Variants in TIMM23B observed in about 807,000 individuals in gnomAD.
TIMM23B encodes translocase of inner mitochondrial membrane 23 homolog B, also known as mitochondrial import inner membrane translocase subunit Tim23B.
In TIMM23B, 27 loss-of-function variants were observed where a neutral mutation model predicts 27.3. The ratio of observed to expected loss-of-function variants is 0.99; its 90% CI spans 0.73 to 1.36. The LOEUF (loss-of-function observed/expected upper bound fraction) is 1.36. Ranked by LOEUF, TIMM23B falls within the 40% of genes most tolerant of loss-of-function variation. TIMM23B has a pLI of 0.00. For synonymous variants in TIMM23B, 73 were observed against 92.4 expected (o/e 0.79, Z 1.21); for missense variants, 205 against 244.2 (o/e 0.84, Z 1.07).
chr10:49,952,638 T>C (rs1440747857), intron 4 of TIMM23B, 105 bp downstream of exon 4: 138 of 1,312,072 alleles, frequency 1.1e-4, no homozygotes, highest in Non-Finnish European at 1.4e-4. Context: ...AGCATAGTTA[T>C]GTGCTTTTTT....
rs1412187121 is a variant in TIMM23B, at chr10:49,968,307, G to A, written c.515-4705G>A. ...TGCAACCTATTTTCAATAGAAAAAA[G>A]CCTCTTACTCTCAGATAGCTCAGAA... On this transcript the variant is annotated intron_variant, in intron 6 of 6. Transcript: ENST00000651259. Among the ~76,000 whole-genome samples the A allele has an allele frequency of 1.6e-4, 24 of 152,334 alleles. No homozygotes were observed. The East Asian group carries it at 4.4e-3, about 28-fold the overall frequency.
At chr10:49,954,544 C>A (rs1452787037) in intron 4 of TIMM23B, 1 of 161,506 alleles carries the variant, frequency 6.2e-6, no homozygotes, top group African/African-American at 2.4e-5. Flanking sequence ...TTATCTTTAA[C>A]ATTCTAAGCA....
intron 6 of TIMM23B, among the ~76,000 whole-genome samples, chr10:49,971,041 C>T (rs1178227443): frequency 6.6e-6 from 1 of 152,178 alleles, no homozygotes; most frequent in Non-Finnish European, 1.5e-5. Flanking sequence ...CAACCCGGTG[C>T]TCTCTGAAAC....
Position 49,956,426 on chromosome 10 carries a change from CGTGTGTGTGTGTGTGT to C in TIMM23B, c.403+1395_403+1410del, listed in dbSNP as rs1173703740. On this transcript the variant is annotated intron_variant, in intron 5 of 6. Coordinates refer to ENST00000651259, the MANE Select transcript of TIMM23B (RefSeq NM_001290117.2). ...TCTATTTTTTCTTATACTAGAAATA[CGTGTGTGTGTGTGTGT>C]GTGTGTGTGTGTGTGTGTGTGTGTG... is the stretch of plus-strand genomic sequence containing the variant. Among the ~76,000 whole-genome samples the C allele has an allele frequency of 6.0e-4, 68 of 113,964 alleles. 5 individuals carry two copies. Among genetic ancestry groups the C allele is most frequent in the South Asian group, 1.8e-3 (6 of 3,316 alleles). 74.8% of individuals were successfully genotyped at this position (113,964 alleles called of 152,430 possible).
chr10:49,961,340 G>A (rs1374987756), intron 6 of TIMM23B, among the ~76,000 whole-genome samples: 2 of 140,836 alleles, frequency 1.4e-5, no homozygotes, highest in African/African-American at 2.7e-5. Flanking sequence ...GCAAGATCAC[G>A]CCACTGCACT....
intron 1 of TIMM23B, among the ~76,000 whole-genome samples, chr10:49,942,706 CG>C (rs1166492050): frequency 2.6e-5 from 4 of 151,946 alleles, no homozygotes; most frequent in African/African-American, 9.7e-5. Flanking sequence ...TCCAAGTAGC[CG>C]TAAGGGCAGA....
At chr10:49,957,268 T>G (rs1220095178) in intron 5 of TIMM23B, among the ~76,000 whole-genome samples, 1 of 149,476 alleles carries the variant, frequency 6.7e-6, no homozygotes, top group Non-Finnish European at 1.5e-5. Flanking sequence ...TTTTTTTTTT[T>G]TTTTTTGAGA....
chr10:49,971,835 A>G (rs1397947572), intron 6 of TIMM23B, among the ~76,000 whole-genome samples: 15 of 152,218 alleles, frequency 9.9e-5, no homozygotes, highest in Non-Finnish European at 1.8e-4. Context: ...GTAAAATATA[A>G]CACATTCTGT....
Position 49,952,187 on chromosome 10 carries a change from C to A in TIMM23B, c.227C>A (p.Ala76Asp), listed in dbSNP as rs1409795807. The A allele has an allele frequency of 1.9e-5, 31 of 1,605,508 alleles. No individual in the cohort carries two copies. The African/African-American group carries it at 3.2e-4, about 17-fold the overall frequency. ...AAAACCTGGGGCAGATTTGAGCTGG[C>A]CTTCTTTACGATTGGAGGGTGTTGC... Reference protein sequence around the residue: ...ANKTWGRFELAFFTIGGCCMT... With the variant: ...ANKTWGRFELDFFTIGGCCMT... Residue 76 changes from alanine (A) to aspartate (D), a missense_variant, in exon 3 of 7, where the codon GCC becomes GAC. Ala to Asp is a moderately radical substitution (Grantham distance 126, BLOSUM62 -2). Transcript: ENST00000651259.
At chr10:49,966,741 C>T (rs1389931882) in intron 6 of TIMM23B, among the ~76,000 whole-genome samples, 1 of 151,962 alleles carries the variant, frequency 6.6e-6, no homozygotes, top group Non-Finnish European at 1.5e-5. Flanking sequence ...AGGAGAATCG[C>T]TTGAACCCAG....
chr10:49,959,596 C>T (rs1354992432), intron 6 of TIMM23B, among the ~76,000 whole-genome samples: 7 of 152,120 alleles, frequency 4.6e-5, no homozygotes, highest in African/African-American at 1.2e-4. Context: ...TTTATCTTAA[C>T]GTCTAAAAGA....
chr10:49,962,913 CAG>C (rs1368786177), intron 6 of TIMM23B, among the ~76,000 whole-genome samples: 2 of 141,142 alleles, frequency 1.4e-5, no homozygotes, highest in Admixed American at 7.1e-5. Flanking sequence ...TTTTTTGAGA[CAG>C]AGTTTCACTC....
intron 6 of TIMM23B, among the ~76,000 whole-genome samples, chr10:49,963,304 G>GAATGA (rs1279541550): frequency 6.6e-6 from 1 of 150,626 alleles, no homozygotes; most frequent in African/African-American, 2.5e-5. Flanking sequence ...AAATGAAATG[G>GAATGA]AATGAAATGA....
intron 2 of TIMM23B, among the ~76,000 whole-genome samples, chr10:49,946,170 A>G (rs1450528637): frequency 9.5e-5 from 14 of 148,076 alleles, no homozygotes; most frequent in African/African-American, 3.3e-4. Flanking sequence ...AGCCTGGGCA[A>G]CAGAGTAAGA....
chr10:49,968,640 C>G (rs184123926), intron 6 of TIMM23B, among the ~76,000 whole-genome samples: 1 of 152,294 alleles, frequency 6.6e-6, no homozygotes, highest in East Asian at 1.9e-4. Flanking sequence ...TGAGACCATC[C>G]TGGCTAACAC....
At position 49,952,169 on chromosome 10, in the gene TIMM23B, G is replaced by A; in HGVS notation, c.209G>A (p.Trp70Ter). 6.9e-6 allele frequency: 11 copies of A among 1,605,314 alleles called. No homozygotes were observed. The highest frequency in any genetic ancestry group is 9.4e-6 in the Non-Finnish European group (11 of 1,171,964). The change falls in exon 3 of 7, where the codon TGG (tryptophan) becomes TAG (stop). Residue 70 changes from tryptophan (W) to a stop codon, truncating the protein, a stop_gained. Coordinates refer to ENST00000651259, the MANE Select transcript of TIMM23B (RefSeq NM_001290117.2). LOFTEE classifies it high-confidence loss of function. The stretch of plus-strand genomic sequence containing the variant: ...TTACCTACCGGAGCTAATAAAACCT[G>A]GGGCAGATTTGAGCTGGCCTTCTTT... ...FILPTGANKT[W>*]GRFELAFFTI...
At chr10:49,958,998 C>T (rs1307241037) in intron 6 of TIMM23B, among the ~76,000 whole-genome samples, 6 of 152,190 alleles carry the variant, frequency 3.9e-5, no homozygotes, top group Admixed American at 3.9e-4. Context: ...TTTGCATGTG[C>T]ATTCTTTTAT....
At chr10:49,947,332 G>A (rs1299348017) in intron 2 of TIMM23B, among the ~76,000 whole-genome samples, 1 of 152,208 alleles carries the variant, frequency 6.6e-6, no homozygotes, top group African/African-American at 2.4e-5. Context: ...TGGAGGCCAG[G>A]TGCAGTGGCT....
intron 5 of TIMM23B, among the ~76,000 whole-genome samples, chr10:49,956,979 CTTT>C (rs1212873597): frequency 1.4e-5 from 2 of 147,468 alleles, no homozygotes; most frequent in East Asian, 3.9e-4. Flanking sequence ...CAAGTAATCT[CTTT>C]TGCAGTGGAC....
Sources: allele counts gnomAD v4.1 joint callset (sites outside exome capture counted in the v4.1 genomes callset), GRCh38; gene constraint gnomAD v4.1.1; transcripts MANE v1.5; gene names NCBI Gene and HGNC (gene_info 2026-07-23, HGNC 2026-07-21).